Variants in GRM1 observed in about 807,000 individuals in gnomAD.
The protein encoded by GRM1 is metabotropic glutamate receptor 1.
Under a neutral mutation model 90.9 loss-of-function variants are expected in GRM1, and 33 were observed. That is an observed-to-expected ratio of 0.36 (90% CI 0.28 to 0.49). GRM1 has a LOEUF of 0.49. GRM1 is among the 20% of genes least tolerant of loss of function. GRM1 has a pLI of 0.99. For missense variants in GRM1, 1,190 were observed against 1,534.3 expected, an observed-to-expected ratio of 0.78 and a Z score of 3.75; for synonymous variants, 700 against 613.2, an observed-to-expected ratio of 1.14 and a Z score of -2.09.
intron 3 of GRM1, among the ~76,000 whole-genome samples, chr6:146,345,679 C>G (rs1785163455): frequency 6.6e-6 from 1 of 152,126 alleles, no homozygotes; most frequent in African/African-American, 2.4e-5. Context: ...TCCTATCACC[C>G]ATAAATAAAT....
At chr6:146,230,807 AT>A (rs1205053582) in intron 2 of GRM1, among the ~76,000 whole-genome samples, 1 of 152,166 alleles carries the variant, frequency 6.6e-6, no homozygotes, top group East Asian at 1.9e-4. Context: ...CATCCAGACA[AT>A]GAAATATTAT....
intron 2 of GRM1, among the ~76,000 whole-genome samples, chr6:146,281,442 C>T (rs1782564731): frequency 6.6e-6 from 1 of 152,164 alleles, no homozygotes; most frequent in Non-Finnish European, 1.5e-5. Flanking sequence ...TTTCTCTTTT[C>T]CCACTGAGCG....
At position 146,364,650 on chromosome 6, in the gene GRM1, CATAAA is replaced by C. The variant is rs543492168; in HGVS notation, c.1602+6958_1602+6962del. ...CCTCTCTTTTGTTCTCATTTTGAAACATAAAAGAAAATATTAAAAAATAGTACAAT... is the reference window on the plus strand; with the variant it reads ...CCTCTCTTTTGTTCTCATTTTGAAACAGAAAATATTAAAAAATAGTACAAT... On this transcript the variant is annotated intron_variant, in intron 5 of 7. Transcript: ENST00000282753. Among the ~76,000 whole-genome samples, 24 of 152,052 alleles carry C rather than the reference CATAAA, an allele frequency of 1.6e-4. No individual in the cohort carries two copies. In the East Asian group the frequency reaches 4.4e-3, roughly 28 times the overall value.
At chr6:146,160,725 A>G (rs963091599) in intron 2 of GRM1, among the ~76,000 whole-genome samples, 6 of 152,170 alleles carry the variant, frequency 3.9e-5, no homozygotes, top group South Asian at 2.1e-4. Flanking sequence ...TAACTTTGCC[A>G]TCACCTGAAA....
rs144129696 is a variant in GRM1, at chr6:146,167,385, A to G, written c.950+7788A>G. On this transcript the variant is annotated intron_variant, in intron 2 of 7. Coordinates refer to ENST00000282753, the MANE Select transcript of GRM1 (RefSeq NM_001278064.2). Reference sequence around the variant, plus strand: ...GTCTTTGTGTGGACATGTATTTTCAATTCTCTTTAGGAACTATCTAGGGGT... The same window carrying G: ...GTCTTTGTGTGGACATGTATTTTCAGTTCTCTTTAGGAACTATCTAGGGGT... Among the ~76,000 whole-genome samples the G allele has an allele frequency of 5.4e-3, 815 of 152,204 alleles. 5 individuals carry two copies. Among genetic ancestry groups the G allele is most frequent in the African/African-American group, 0.019 (781 of 41,556 alleles).
intron 3 of GRM1, among the ~76,000 whole-genome samples, chr6:146,331,124 A>T (rs1159606288): frequency 6.6e-6 from 1 of 152,132 alleles, no homozygotes; most frequent in Non-Finnish European, 1.5e-5. Context: ...ATCATCAGGG[A>T]AGGAGTCTCA....
intron 2 of GRM1, among the ~76,000 whole-genome samples, chr6:146,164,899 G>C (rs556393914): frequency 3.3e-5 from 5 of 151,694 alleles, no homozygotes; most frequent in Non-Finnish European, 7.4e-5. Flanking sequence ...TTATATATTT[G>C]CTAGCCCTTT....
At chr6:146,406,030 G>A (rs78870499) in intron 7 of GRM1, among the ~76,000 whole-genome samples, 5,114 of 152,246 alleles carry the variant, frequency 0.034, 291 homozygotes, top group African/African-American at 0.11. Flanking sequence ...AGGAAATTCC[G>A]ACAGTATTTA....
intron 2 of GRM1, among the ~76,000 whole-genome samples, chr6:146,226,962 T>C (rs2114692390): frequency 6.6e-6 from 1 of 152,214 alleles, no homozygotes; most frequent in South Asian, 2.1e-4. Context: ...TGTTCAGAAC[T>C]GTTCATTTGA....
intron 2 of GRM1, among the ~76,000 whole-genome samples, chr6:146,163,573 C>T (rs1562502459): frequency 1.3e-5 from 2 of 152,112 alleles, no homozygotes. Flanking sequence ...ACTGCAACAT[C>T]AGAATCTGTG....
At chr6:146,253,567 G>A (rs1471373746) in intron 2 of GRM1, among the ~76,000 whole-genome samples, 1 of 152,080 alleles carries the variant, frequency 6.6e-6, no homozygotes, top group African/African-American at 2.4e-5. Flanking sequence ...TGGTTTATTG[G>A]TTAGGGAATG....
intron 2 of GRM1, among the ~76,000 whole-genome samples, chr6:146,271,060 A>T (rs1382740436): frequency 2.7e-5 from 4 of 147,746 alleles, no homozygotes; most frequent in Non-Finnish European, 5.9e-5. Context: ...CCTGGAGTTC[A>T]GTGGCATGAT....
intron 1 of GRM1, among the ~76,000 whole-genome samples, chr6:146,121,935 A>G (rs1161941282): frequency 6.6e-6 from 1 of 152,146 alleles, no homozygotes; most frequent in East Asian, 1.9e-4. Context: ...AGTTCTGTAG[A>G]TGTCTATTAG....
rs140546040 is a variant in GRM1 at position 146,180,918 on chromosome 6, C to G, written c.950+21321C>G. Among the ~76,000 whole-genome samples the G allele has an allele frequency of 2.8e-3, 424 of 152,250 alleles. 3 individuals are homozygous for G. Among genetic ancestry groups the G allele is most frequent in the African/African-American group, 9.4e-3 (391 of 41,544 alleles). On this transcript the variant is annotated intron_variant, in intron 2 of 7. Coordinates refer to ENST00000282753, the MANE Select transcript of GRM1 (RefSeq NM_001278064.2). The stretch of plus-strand genomic sequence containing the variant: ...TTTAAAAGCGGACCTTTCTGGTTAG[C>G]TCTAGGTATAATGGCAGGAGATATA...
intron 2 of GRM1, among the ~76,000 whole-genome samples, chr6:146,283,926 A>G (rs1782670912): frequency 6.6e-6 from 1 of 152,228 alleles, no homozygotes; most frequent in African/African-American, 2.4e-5. Flanking sequence ...GCTTCTCAAT[A>G]CTATTTCCTT....
chr6:146,028,875 C>A (rs1054420281), upstream of GRM1, among the ~76,000 whole-genome samples: 3 of 152,154 alleles, frequency 2.0e-5, no homozygotes, highest in African/African-American at 7.2e-5. Context: ...GGACCTAGCT[C>A]CTCCCCTCCT....
At chr6:146,402,079 C>T (rs994239551) in intron 7 of GRM1, among the ~76,000 whole-genome samples, 5 of 152,146 alleles carry the variant, frequency 3.3e-5, no homozygotes, top group Admixed American at 1.3e-4. Context: ...TCAGCATGGT[C>T]TAAATTAACT....
chr6:146,177,546 G>A (rs1480246434), intron 2 of GRM1, among the ~76,000 whole-genome samples: 1 of 152,016 alleles, frequency 6.6e-6, no homozygotes, highest in African/African-American at 2.4e-5. Context: ...ACTAAAATCT[G>A]ATATTCACGT....
chr6:146,228,908 C>G (rs1482763130), intron 2 of GRM1, among the ~76,000 whole-genome samples: 1 of 152,138 alleles, frequency 6.6e-6, no homozygotes, highest in African/African-American at 2.4e-5. Context: ...TTACTCTCCT[C>G]TTCAACTCCA....
Sources: gnomAD v4.1 joint callset for allele counts (sites outside exome capture counted in the v4.1 genomes callset) on GRCh38, gnomAD v4.1.1 for gene constraint, MANE v1.5 for transcripts, NCBI Gene and HGNC (gene_info 2026-07-23, HGNC 2026-07-21) for gene names.